RDH10: variants seen among roughly 807,000 people sequenced by gnomAD.
RDH10 encodes the protein retinol dehydrogenase 10 (all-trans).
A neutral mutation model predicts 30.2 loss-of-function variants in RDH10; 12 were observed. The ratio of observed to expected loss-of-function variants is 0.40; its 90% CI spans 0.25 to 0.64. The LOEUF (loss-of-function observed/expected upper bound fraction) is 0.64. Among genes scored for constraint, RDH10 ranks in the 30% least tolerant of loss-of-function variants. The pLI, the probability that RDH10 is intolerant of heterozygous loss-of-function variation, is 0.43. For synonymous variants in RDH10, 189 were observed against 172.2 expected, an observed-to-expected ratio of 1.10 and a Z score of -0.76; for missense variants, 268 against 445.2, an observed-to-expected ratio of 0.60 and a Z score of 3.58.
At chr8:73,313,761 A>G (rs987773533) in intron 2 of RDH10, among the ~76,000 whole-genome samples, 1 of 152,198 alleles carries the variant, frequency 6.6e-6, no homozygotes, top group Non-Finnish European at 1.5e-5. Context: ...TTTAGACAGT[A>G]AAGAGGACAC....
intron 2 of RDH10, chr8:73,297,979 C>T (rs1021965783): frequency 6.8e-5 from 11 of 162,414 alleles, no homozygotes; most frequent in East Asian, 1.7e-4. Flanking sequence ...GACAGTGCCT[C>T]GCAAATATCA....
chr8:73,298,001 C>T, intron 2 of RDH10: 1 of 157,634 alleles, frequency 6.3e-6, no homozygotes, highest in African/African-American at 2.4e-5. Context: ...CCTAATAGGA[C>T]CCTAGAGAGG....
At chr8:73,303,035 T>C (rs1768109385) in intron 2 of RDH10, among the ~76,000 whole-genome samples, 2 of 151,766 alleles carry the variant, frequency 1.3e-5, no homozygotes, top group African/African-American at 2.4e-5. Context: ...TCTATTGATA[T>C]GGTAGTCAGA....
chr8:73,319,279 C>A, intron 3 of RDH10, 85 bp downstream of exon 3: 2 of 890,100 alleles, frequency 2.2e-6, no homozygotes, highest in Non-Finnish European at 1.8e-6. Context: ...GCACCTGCTG[C>A]CCCTCCATTC....
chr8:73,316,018 A>G (rs952871942), intron 2 of RDH10, among the ~76,000 whole-genome samples: 6 of 152,110 alleles, frequency 3.9e-5, no homozygotes, highest in Non-Finnish European at 8.8e-5. Context: ...ACTTAGGGAT[A>G]TGTTTTCTAG....
chr8:73,315,226 C>T (rs1488278038), intron 2 of RDH10, among the ~76,000 whole-genome samples: 1 of 83,498 alleles, frequency 1.2e-5, no homozygotes, highest in Non-Finnish European at 2.4e-5. Flanking sequence ...CTCCCCCCAC[C>T]GGCCTCCTCT....
Position 73,323,672 on chromosome 8 carries a change from T to TG in RDH10, c.*637dup, listed in dbSNP as rs1814809205. ...AGTTGAATTTTTTTTTTTTTTTTTTTGATGGAGTCTCGCTCTGTCACCAGG... is the reference window on the plus strand; with the variant it reads ...AGTTGAATTTTTTTTTTTTTTTTTTTGGATGGAGTCTCGCTCTGTCACCAGG... On this transcript the variant is annotated 3_prime_UTR_variant, in exon 6 of 6. Coordinates refer to ENST00000240285, the MANE Select transcript of RDH10 (RefSeq NM_172037.5). The TG allele has an allele frequency of 6.6e-6, 1 of 150,708 alleles. No homozygotes were observed. Among genetic ancestry groups the TG allele is most frequent in the East Asian group, 1.9e-4 (1 of 5,186 alleles). The allele number at this position is 150,708 out of a possible 1,614,324, so 9.3% of individuals were successfully genotyped here.
rs1814809014 is a variant in RDH10 at position 73,323,670 on chromosome 8, T to C, written c.*634T>C. ...TTAGTTGAATTTTTTTTTTTTTTTT[T>C]TTGATGGAGTCTCGCTCTGTCACCA... is the stretch of plus-strand genomic sequence containing the variant. On this transcript the variant is annotated 3_prime_UTR_variant, in exon 6 of 6. Coordinates refer to ENST00000240285, the MANE Select transcript of RDH10 (RefSeq NM_172037.5). 1 of 151,608 alleles carries C rather than the reference T, an allele frequency of 6.6e-6. No homozygotes were observed. Among genetic ancestry groups the C allele is most frequent in the Non-Finnish European group, 1.5e-5 (1 of 67,978 alleles). The allele number at this position is 151,608 out of a possible 1,614,324, so 9.4% of individuals were successfully genotyped here.
intron 4 of RDH10, chr8:73,321,881 A>C (rs1290658258): frequency 2.2e-6 from 1 of 456,184 alleles, no homozygotes; most frequent in East Asian, 6.9e-5. Context: ...CTCCAAAGTC[A>C]GGCTTGGAGT....
intron 2 of RDH10, among the ~76,000 whole-genome samples, chr8:73,306,766 C>A (rs1311962092): frequency 1.3e-5 from 2 of 152,198 alleles, no homozygotes; most frequent in East Asian, 1.9e-4. Flanking sequence ...TTCTTACATG[C>A]TGCTTGCATA....
intron 2 of RDH10, among the ~76,000 whole-genome samples, chr8:73,306,060 G>A (rs1211667028): frequency 2.0e-5 from 3 of 152,228 alleles, no homozygotes; most frequent in African/African-American, 7.2e-5. Context: ...GAAGATGGGG[G>A]TTTCTGATTT....
chr8:73,297,226 T>G lies in RDH10; in HGVS notation c.322T>G (p.Cys108Gly), dbSNP rs145171413. 6.4e-3 allele frequency: 10,334 copies of G among 1,613,556 alleles called. 55 individuals carry two copies. The highest frequency in any genetic ancestry group is 0.017 in the South Asian group (1,584 of 91,066). ...GNGEEEILPH[C>G]NLQVFTYTCD... is the part of the protein sequence containing the mutation. ...TGGTGAGGAAGAAATTCTGCCCCACTGTAACTTGCAGGTTTTTACCTACAC... is the reference window on the plus strand; with the variant it reads ...TGGTGAGGAAGAAATTCTGCCCCACGGTAACTTGCAGGTTTTTACCTACAC... The change falls in exon 2 of 6, where the codon TGT (cysteine) becomes GGT (glycine). Residue 108 changes from cysteine to glycine, a missense_variant. Cys to Gly is a radical substitution (Grantham distance 159). Transcript: ENST00000240285.
intron 4 of RDH10, chr8:73,321,787 A>G: frequency 2.2e-6 from 1 of 456,214 alleles, no homozygotes; most frequent in Non-Finnish European, 4.4e-6. Context: ...AGATAACCAA[A>G]CCAGTTCCCT....
chr8:73,313,809 C>A (rs758457915), intron 2 of RDH10, among the ~76,000 whole-genome samples: 1 of 152,168 alleles, frequency 6.6e-6, no homozygotes, highest in Non-Finnish European at 1.5e-5. Flanking sequence ...CATTTAGCAT[C>A]TAGCAAACCT....
chr8:73,296,270 C>G (rs1306158569), intron 1 of RDH10, among the ~76,000 whole-genome samples: 1 of 151,508 alleles, frequency 6.6e-6, no homozygotes, highest in Non-Finnish European at 1.5e-5. Flanking sequence ...AAAGCAAAGT[C>G]CATAACCAAC....
intron 3 of RDH10, 89 bp from the exon 4 acceptor site, chr8:73,320,843 A>G: frequency 7.7e-7 from 1 of 1,294,606 alleles, no homozygotes; most frequent in Non-Finnish European, 1.1e-6. Flanking sequence ...TAGACATCTA[A>G]ACATGGTAAT....
intron 3 of RDH10, 116 bp from the exon 4 acceptor site, chr8:73,320,816 C>T (rs1371310751): frequency 6.1e-6 from 6 of 990,480 alleles, no homozygotes; most frequent in Non-Finnish European, 9.2e-6. Context: ...TGTGTAGTCA[C>T]CTGTAACCTT....
intron 2 of RDH10, among the ~76,000 whole-genome samples, chr8:73,302,457 G>A (rs954851179): frequency 2.2e-4 from 34 of 152,202 alleles, no homozygotes; most frequent in African/African-American, 8.2e-4. Context: ...AGGCCGAGGA[G>A]GGTGGATTGC....
chr8:73,321,784 C>T (rs1210272026), intron 4 of RDH10: 4 of 456,098 alleles, frequency 8.8e-6, no homozygotes, highest in Non-Finnish European at 1.8e-5. Context: ...GGAAGATAAC[C>T]AAACCAGTTC....
Sources: gnomAD v4.1 joint callset for allele counts (sites outside exome capture counted in the v4.1 genomes callset) on GRCh38, gnomAD v4.1.1 for gene constraint, MANE v1.5 for transcripts, NCBI Gene and HGNC (gene_info 2026-07-23, HGNC 2026-07-21) for gene names.